ZBTB20: variants seen among roughly 807,000 people sequenced by gnomAD.
The protein encoded by ZBTB20 is zinc finger and BTB domain-containing protein 20.
Under a neutral mutation model 56.9 loss-of-function variants are expected in ZBTB20, and 9 were observed. The ratio of observed to expected loss-of-function variants is 0.16; its 90% CI spans 0.10 to 0.28. The LOEUF is 0.28. Ranked by LOEUF, ZBTB20 falls within the 10% of genes least tolerant of loss-of-function variation. The probability of loss-of-function intolerance (pLI) is 1.00; values close to 1 mark genes in which losing one functional copy is unlikely to be tolerated. For missense variants in ZBTB20, 655 were observed against 1,003.0 expected, an observed-to-expected ratio of 0.65 and a Z score of 4.69; for synonymous variants, 417 against 420.7, an observed-to-expected ratio of 0.99 and a Z score of 0.11.
In ZBTB20 at chr3:115,071,322, G is replaced by A. The variant is rs1227622301; in HGVS notation, c.-610C>T. On this transcript the variant is annotated 5_prime_UTR_variant, in exon 2 of 12. Transcript: ENST00000675478. ...CAACTGGAGATTCAAGGAAGCTAAA[G>A]TGCCCAGAATGAACTAATGTTGTAA... 6.6e-6 allele frequency: 1 copy of A among 152,172 alleles called. No homozygotes were observed. The highest frequency in any genetic ancestry group is 1.5e-5 in the Non-Finnish European group (1 of 68,036). 9.4% of individuals were successfully genotyped at this position (152,172 alleles called of 1,614,324 possible).
At chr3:114,888,296 A>G (rs1378840857) in intron 4 of ZBTB20, among the ~76,000 whole-genome samples, 1 of 151,880 alleles carries the variant, frequency 6.6e-6, no homozygotes, top group Non-Finnish European at 1.5e-5. Flanking sequence ...GGTGGTGCAC[A>G]CCTGTAGTCC....
chr3:114,807,044 T>C (rs780667358), intron 4 of ZBTB20, among the ~76,000 whole-genome samples: 1 of 152,098 alleles, frequency 6.6e-6, no homozygotes, highest in South Asian at 2.1e-4. Context: ...TTTGTTTTCC[T>C]TTTTCAAAAG....
chr3:114,359,068 C>T (rs569440571), intron 10 of ZBTB20, among the ~76,000 whole-genome samples: 6 of 84,598 alleles, frequency 7.1e-5, no homozygotes, highest in South Asian at 1.1e-3. Context: ...CTTTATTTTA[C>T]CTCTACTCTG....
At chr3:114,653,006 T>C (rs954838859) in intron 6 of ZBTB20, among the ~76,000 whole-genome samples, 5 of 151,968 alleles carry the variant, frequency 3.3e-5, no homozygotes. Flanking sequence ...CCTTCCTAAA[T>C]GCACTGTTAG....
intron 8 of ZBTB20, among the ~76,000 whole-genome samples, 159 bp from the exon 9 acceptor site, chr3:114,381,099 C>T (rs1269682187): frequency 2.0e-5 from 3 of 152,044 alleles, no homozygotes; most frequent in Admixed American, 6.6e-5. Context: ...GCAGCCTGTA[C>T]GGATGAGGGG....
intron 3 of ZBTB20, among the ~76,000 whole-genome samples, chr3:114,961,005 T>C (rs2077430477): frequency 6.6e-6 from 1 of 151,770 alleles, no homozygotes; most frequent in South Asian, 2.1e-4. Context: ...GGAGAAGTGA[T>C]GGAGGTCCCT....
At chr3:114,758,455 A>T (rs1013576077) in intron 5 of ZBTB20, among the ~76,000 whole-genome samples, 3 of 152,160 alleles carry the variant, frequency 2.0e-5, no homozygotes, top group Non-Finnish European at 4.4e-5. Context: ...CTCAATAAGG[A>T]TTAGCTTGGT....
chr3:114,989,960 G>C (rs2078727979), intron 2 of ZBTB20, among the ~76,000 whole-genome samples: 1 of 152,272 alleles, frequency 6.6e-6, no homozygotes, highest in African/African-American at 2.4e-5. Context: ...TTTGTATCCT[G>C]AGACTTTGCT....
rs2071989767 is a variant in ZBTB20, at chr3:114,804,924, T to G, written c.-416-3750A>C. ...ATCCTGTCCATGTTAAATGATTGAC[T>G]TTTAAATGGTCTTTTCTTTTTATAA... is the stretch of plus-strand genomic sequence containing the variant. On this transcript the variant is annotated intron_variant, in intron 4 of 11. Transcript: ENST00000675478. 1.3e-5 allele frequency among the ~76,000 whole-genome samples: 2 copies of G among 151,944 alleles called. 1 individual carries two copies. Among genetic ancestry groups the G allele is most frequent in the South Asian group, 4.1e-4 (2 of 4,832 alleles).
chr3:115,111,031 A>T (rs919430152), intron 1 of ZBTB20, among the ~76,000 whole-genome samples: 3 of 150,584 alleles, frequency 2.0e-5, no homozygotes, highest in African/African-American at 7.3e-5. Context: ...TAAATAAATA[A>T]ATAAATAAAT....
intron 3 of ZBTB20, among the ~76,000 whole-genome samples, chr3:114,972,860 C>T (rs943779308): frequency 5.9e-5 from 9 of 152,102 alleles, no homozygotes; most frequent in Non-Finnish European, 1.3e-4. Flanking sequence ...CACAGACACA[C>T]ACACACACAC....
At chr3:114,511,385 G>A (rs2045367616) in intron 6 of ZBTB20, among the ~76,000 whole-genome samples, 1 of 152,030 alleles carries the variant, frequency 6.6e-6, no homozygotes, top group South Asian at 2.1e-4. Flanking sequence ...CTAGTAACAT[G>A]GCTTCAGAGT....
At chr3:114,939,128 G>C (rs2076646917) in intron 3 of ZBTB20, among the ~76,000 whole-genome samples, 1 of 145,808 alleles carries the variant, frequency 6.9e-6, no homozygotes, top group Non-Finnish European at 1.5e-5. Context: ...CTCTACAAAA[G>C]CTCCTCTTGA....
chr3:114,459,978 T>C (rs908724623), intron 7 of ZBTB20, among the ~76,000 whole-genome samples: 1 of 151,930 alleles, frequency 6.6e-6, no homozygotes, highest in African/African-American at 2.4e-5. Context: ...GCAGAAGGTA[T>C]TTAGGAAATT....
At chr3:115,026,173 A>G (rs2080414169) in intron 2 of ZBTB20, among the ~76,000 whole-genome samples, 1 of 150,880 alleles carries the variant, frequency 6.6e-6, no homozygotes, top group Admixed American at 6.6e-5. Context: ...AACAAGAAAT[A>G]GAGAAAACTG....
chr3:114,790,137 A>C (rs114239375), intron 5 of ZBTB20, among the ~76,000 whole-genome samples: 2 of 152,136 alleles, frequency 1.3e-5, no homozygotes, highest in African/African-American at 4.8e-5. Flanking sequence ...AGAAGTTGCA[A>C]TACAAATGAA....
At chr3:114,821,476 G>T (rs992788178) in intron 4 of ZBTB20, among the ~76,000 whole-genome samples, 2 of 152,062 alleles carry the variant, frequency 1.3e-5, no homozygotes, top group Non-Finnish European at 1.5e-5. Context: ...TAGTTTGCCT[G>T]CAGCTCACCT....
At chr3:114,761,832 TC>T (rs2068464931) in intron 5 of ZBTB20, among the ~76,000 whole-genome samples, 1 of 140,168 alleles carries the variant, frequency 7.1e-6, no homozygotes, top group South Asian at 2.2e-4. Flanking sequence ...AGACTCCATC[TC>T]AAAAAAAAAG....
intron 1 of ZBTB20, among the ~76,000 whole-genome samples, chr3:115,101,474 T>C (rs1288223882): frequency 6.6e-6 from 1 of 152,168 alleles, no homozygotes. Context: ...TTTGCAGCTA[T>C]AGAATTACAA....
Sources: allele counts gnomAD v4.1 joint callset (sites outside exome capture counted in the v4.1 genomes callset), GRCh38; gene constraint gnomAD v4.1.1; transcripts MANE v1.5; gene names NCBI Gene and HGNC (gene_info 2026-07-23, HGNC 2026-07-21).